RAD51B: variants seen among roughly 807,000 people sequenced by gnomAD.
RAD51B encodes the protein DNA repair protein RAD51 homolog 2.
In RAD51B, 38 loss-of-function variants were observed where a neutral mutation model predicts 42.2. The observed-to-expected ratio is 0.90, with a 90% CI of 0.70 to 1.18. The LOEUF (loss-of-function observed/expected upper bound fraction) is 1.18, where lower values mean the gene tolerates loss of function less well. Ranked by LOEUF, RAD51B falls within the 50% of genes most tolerant of loss-of-function variation. The pLI is 0.00. For missense variants in RAD51B, 373 were observed against 400.7 expected (o/e 0.93, Z 0.59); for synonymous variants, 154 against 145.2 (o/e 1.06, Z -0.43).
chr14:68,140,277 A>G (rs914288739), intron 7 of RAD51B, among the ~76,000 whole-genome samples: 1 of 152,152 alleles, frequency 6.6e-6, no homozygotes, highest in South Asian at 2.1e-4. Context: ...CAAAAATCCC[A>G]CTTAATCCAT....
intron 3 of RAD51B, among the ~76,000 whole-genome samples, chr14:67,827,547 A>C (rs988957098): frequency 5.3e-5 from 8 of 151,902 alleles, no homozygotes; most frequent in Non-Finnish European, 7.4e-5. Context: ...AATGTGTGCC[A>C]TGGTGGTTTG....
intron 8 of RAD51B, among the ~76,000 whole-genome samples, chr14:68,353,119 T>G (rs970232498): frequency 1.3e-5 from 2 of 152,146 alleles, no homozygotes; most frequent in Admixed American, 6.5e-5. Flanking sequence ...TCCCTAGCCT[T>G]TCCTTATTTT....
chr14:68,665,596 G>A (rs1893016522), intron 11 of RAD51B, among the ~76,000 whole-genome samples: 1 of 152,222 alleles, frequency 6.6e-6, no homozygotes, highest in South Asian at 2.1e-4. Context: ...TTACTAATAG[G>A]ACTGTATGGC....
At chr14:67,969,474 G>A in intron 7 of RAD51B, among the ~76,000 whole-genome samples, 1 of 151,994 alleles carries the variant, frequency 6.6e-6, no homozygotes, top group East Asian at 1.9e-4. Flanking sequence ...TCCCTGTTCC[G>A]TATGCCTAAA....
intron 10 of RAD51B, among the ~76,000 whole-genome samples, chr14:68,496,071 C>T (rs1884488675): frequency 6.6e-6 from 1 of 152,226 alleles, no homozygotes; most frequent in African/African-American, 2.4e-5. Context: ...CCAGCAGTAA[C>T]CACTCAGTCA....
chr14:67,973,603 C>T (rs1046229983), intron 7 of RAD51B, among the ~76,000 whole-genome samples: 9 of 152,100 alleles, frequency 5.9e-5, no homozygotes, highest in African/African-American at 2.2e-4. Context: ...GAATTACAAA[C>T]CTGGTGTGGT....
chr14:68,476,780 G>A (rs1181296740), intron 10 of RAD51B, among the ~76,000 whole-genome samples: 5 of 152,182 alleles, frequency 3.3e-5, no homozygotes. Context: ...GACAAATAGA[G>A]GAGCTTTTGA....
chr14:68,496,124 C>A (rs1330627108), intron 10 of RAD51B, among the ~76,000 whole-genome samples: 1 of 152,192 alleles, frequency 6.6e-6, no homozygotes, highest in East Asian at 1.9e-4. Context: ...GTGATGTGTC[C>A]ATCCCTCTTT....
intron 7 of RAD51B, among the ~76,000 whole-genome samples, chr14:67,949,364 C>A (rs529644173): frequency 6.6e-6 from 1 of 152,238 alleles, no homozygotes; most frequent in Non-Finnish European, 1.5e-5. Flanking sequence ...GCATCATCAC[C>A]CGGAATAGTT....
At chr14:68,052,792 T>G (rs1023858558) in intron 7 of RAD51B, among the ~76,000 whole-genome samples, 5 of 151,146 alleles carry the variant, frequency 3.3e-5, no homozygotes, top group South Asian at 2.1e-4. Context: ...GGCTATTTTT[T>G]TGTGTTTTTT....
At chr14:67,939,321 G>T (rs1208484227) in intron 7 of RAD51B, among the ~76,000 whole-genome samples, 2 of 152,082 alleles carry the variant, frequency 1.3e-5, no homozygotes. Context: ...CTTACTCTAG[G>T]ATGTGAGCTT....
intron 7 of RAD51B, among the ~76,000 whole-genome samples, chr14:68,100,740 A>C (rs1304705129): frequency 6.6e-6 from 1 of 152,218 alleles, no homozygotes; most frequent in Non-Finnish European, 1.5e-5. Context: ...ATGGAGCCTT[A>C]GAGATCATTG....
At chr14:68,503,084 G>C (rs141678247) in intron 10 of RAD51B, among the ~76,000 whole-genome samples, 3 of 152,312 alleles carry the variant, frequency 2.0e-5, no homozygotes, top group African/African-American at 7.2e-5. Flanking sequence ...ACTTCATGGA[G>C]CCTGCAGTTT....
chr14:68,670,076 A>G (rs1469016711), intron 11 of RAD51B, among the ~76,000 whole-genome samples: 1 of 152,184 alleles, frequency 6.6e-6, no homozygotes. Flanking sequence ...AAGATTAGAC[A>G]CGCTGCCGAG....
intron 7 of RAD51B, among the ~76,000 whole-genome samples, chr14:68,048,643 C>T (rs112157989): frequency 0.025 from 3,802 of 152,280 alleles, 159 homozygotes; most frequent in African/African-American, 0.086. Context: ...AAATGCAAAT[C>T]AAAACCACAG....
In RAD51B at chr14:68,465,951, A is replaced by AAAAAAAT. The variant is rs368641918; in HGVS notation, c.958-2218_958-2217insAAATAAA. On this transcript the variant is annotated intron_variant, in intron 9 of 10. Coordinates refer to ENST00000471583, the MANE Select transcript of RAD51B (RefSeq NM_133510.4). ...GCTAGACTCTGTCTCAAAAAAAAAA[A>AAAAAAAT]AAATAAATAAATAAATAAATAAATA... Among the ~76,000 whole-genome samples the AAAAAAAT allele has an allele frequency of 4.7e-3, 425 of 90,452 alleles. 5 individuals carry two copies. The highest frequency in any genetic ancestry group is 0.013 in the African/African-American group (398 of 30,330). The allele number at this position is 90,452 out of a possible 152,430, so 59.3% of individuals were successfully genotyped here.
chr14:67,985,977 T>C (rs747761786), intron 7 of RAD51B, among the ~76,000 whole-genome samples: 4 of 152,088 alleles, frequency 2.6e-5, no homozygotes, highest in Non-Finnish European at 4.4e-5. Flanking sequence ...ATGGCTCATT[T>C]GGGTTTGCAT....
intron 7 of RAD51B, among the ~76,000 whole-genome samples, chr14:67,925,774 G>A (rs569242836): frequency 8.5e-5 from 13 of 152,310 alleles, no homozygotes; most frequent in South Asian, 8.3e-4. Flanking sequence ...AAATCTAGGC[G>A]GAGGTTCCCA....
At chr14:68,186,769 G>A (rs1376920694) in intron 7 of RAD51B, among the ~76,000 whole-genome samples, 3 of 152,190 alleles carry the variant, frequency 2.0e-5, no homozygotes, top group African/African-American at 7.2e-5. Context: ...TGGTGGGAAT[G>A]TAAATTATTT....
Sources: gnomAD v4.1 joint callset for allele counts (sites outside exome capture counted in the v4.1 genomes callset) on GRCh38, gnomAD v4.1.1 for gene constraint, MANE v1.5 for transcripts, NCBI Gene and HGNC (gene_info 2026-07-23, HGNC 2026-07-21) for gene names.